KIAA0040: variants seen among roughly 807,000 people sequenced by gnomAD.
KIAA0040 encodes KIAA0040.
Under a neutral mutation model 7.2 loss-of-function variants are expected in KIAA0040, and 10 were observed. The observed-to-expected ratio is 1.38, with a 90% CI of 0.85 to 2.34. The LOEUF is 2.34. Ranked by LOEUF, KIAA0040 falls within the 30% of genes most tolerant of loss-of-function variation. KIAA0040 has a pLI of 0.00. For missense variants in KIAA0040, 89 were observed against 108.2 expected, an observed-to-expected ratio of 0.82 and a Z score of 0.79; for synonymous variants, 49 against 40.1, an observed-to-expected ratio of 1.22 and a Z score of -0.84.
chr1:175,190,303 T>C (rs891355371), intron 1 of KIAA0040, among the ~76,000 whole-genome samples: 13 of 152,310 alleles, frequency 8.5e-5, no homozygotes, highest in Admixed American at 2.0e-4. Flanking sequence ...GATATGAAAA[T>C]ATCTATAGGC....
Position 175,157,609 on chromosome 1 carries a change from A to G in KIAA0040, c.*3105T>C, listed in dbSNP as rs752221394. The G allele has an allele frequency of 2.0e-5, 3 of 152,168 alleles. No individual in the cohort carries two copies. The highest frequency in any genetic ancestry group is 6.5e-5 in the Admixed American group (1 of 15,288). 9.4% of individuals were successfully genotyped at this position (152,168 alleles called of 1,614,324 possible). ...TTGAATTTTACAGAAAAAAATACTG[A>G]CAAATACTATACAGCTTGGACCCTT... On this transcript the variant is annotated 3_prime_UTR_variant, in exon 4 of 4. Coordinates refer to ENST00000423313, the MANE Select transcript of KIAA0040 (RefSeq NM_014656.3).
At chr1:175,183,346 G>T (rs1265730472) in intron 1 of KIAA0040, among the ~76,000 whole-genome samples, 4 of 152,206 alleles carry the variant, frequency 2.6e-5, no homozygotes, top group Non-Finnish European at 5.9e-5. Flanking sequence ...GATCTGGGGA[G>T]ATGAGAAAGA....
intron 1 of KIAA0040, among the ~76,000 whole-genome samples, chr1:175,184,616 T>C (rs898732138): frequency 4.6e-5 from 7 of 152,208 alleles, no homozygotes; most frequent in Non-Finnish European, 1.0e-4. Context: ...GAAGCACACA[T>C]GTTTATGAAC....
chr1:175,171,993 A>G (rs1186871367), intron 2 of KIAA0040, among the ~76,000 whole-genome samples: 4 of 152,196 alleles, frequency 2.6e-5, no homozygotes, highest in South Asian at 2.1e-4. Context: ...AGAACAATGA[A>G]AAGAATTTTA....
At chr1:175,178,980 G>T (rs930862956) in intron 1 of KIAA0040, among the ~76,000 whole-genome samples, 4 of 143,964 alleles carry the variant, frequency 2.8e-5, no homozygotes, top group African/African-American at 7.7e-5. Context: ...CGGGGGGGGG[G>T]ATATCATGGA....
At position 175,177,671 on chromosome 1, in the gene KIAA0040, A is replaced by C. The variant is rs948589173; in HGVS notation, c.-370T>G. 1 of 152,222 alleles carries C rather than the reference A, an allele frequency of 6.6e-6. No individual in the cohort carries two copies. Among genetic ancestry groups the C allele is most frequent in the African/African-American group, 2.4e-5 (1 of 41,456 alleles). 9.4% of individuals were successfully genotyped at this position (152,222 alleles called of 1,614,324 possible). On this transcript the variant is annotated 5_prime_UTR_variant, in exon 2 of 4. Coordinates refer to ENST00000423313, the MANE Select transcript of KIAA0040 (RefSeq NM_014656.3). ...TTGAGTCTCAGTTTCTTCATCTCCAAAATGGGGAACAATCTAGAAGAATAC... is the reference window on the plus strand; with the variant it reads ...TTGAGTCTCAGTTTCTTCATCTCCACAATGGGGAACAATCTAGAAGAATAC...
At chr1:175,190,805 T>G (rs1206436955) in intron 1 of KIAA0040, among the ~76,000 whole-genome samples, 1 of 152,232 alleles carries the variant, frequency 6.6e-6, no homozygotes, top group African/African-American at 2.4e-5. Context: ...ATCCTTCCTC[T>G]GCTTAAAAAC....
intron 2 of KIAA0040, among the ~76,000 whole-genome samples, chr1:175,167,646 A>T (rs1362456218): frequency 6.6e-6 from 1 of 152,132 alleles, no homozygotes; most frequent in Non-Finnish European, 1.5e-5. Context: ...GAGAGGACAG[A>T]TGGGAGAGGG....
chr1:175,160,613 G>T lies in KIAA0040; in HGVS notation c.*101C>A. On this transcript the variant is annotated 3_prime_UTR_variant, in exon 4 of 4. Transcript: ENST00000423313. The stretch of plus-strand genomic sequence containing the variant: ...TCCTTGGTTGAGTAGTTACTCTGTG[G>T]ACATGGACATAGTGCATTATTTCAG... 1 of 1,138,720 alleles carries T rather than the reference G, an allele frequency of 8.8e-7. No homozygotes were observed. The highest frequency in any genetic ancestry group is 1.2e-6 in the Non-Finnish European group (1 of 823,086). The allele number at this position is 1,138,720 out of a possible 1,614,324, so 70.5% of individuals were successfully genotyped here. A position where few individuals can be genotyped will look rare whatever the true frequency, so the allele number is the denominator to read the frequency against.
intron 1 of KIAA0040, among the ~76,000 whole-genome samples, chr1:175,181,234 G>C (rs77077682): frequency 0.016 from 2,496 of 151,860 alleles, 28 homozygotes; most frequent in Non-Finnish European, 0.025. Context: ...GTGTATTTGT[G>C]GGGGGCGGGG....
At chr1:175,170,345 C>T (rs903155352) in intron 2 of KIAA0040, among the ~76,000 whole-genome samples, 6 of 152,048 alleles carry the variant, frequency 3.9e-5, no homozygotes, top group African/African-American at 1.4e-4. Context: ...TTTGTCCAGG[C>T]CTTCAAATGG....
At chr1:175,164,907 C>T (rs1472512794) in intron 3 of KIAA0040, among the ~76,000 whole-genome samples, 2 of 152,170 alleles carry the variant, frequency 1.3e-5, no homozygotes, top group African/African-American at 2.4e-5. Flanking sequence ...AGACACACTT[C>T]GGCCCCTGGA....
In KIAA0040 at chr1:175,160,622, A is replaced by C; in HGVS notation, c.*92T>G. ...GAGTAGTTACTCTGTGGACATGGAC[A>C]TAGTGCATTATTTCAGGGGTTCCTG... On this transcript the variant is annotated 3_prime_UTR_variant, in exon 4 of 4. Transcript: ENST00000423313. 1 of 1,180,952 alleles carries C rather than the reference A, an allele frequency of 8.5e-7. No individual in the cohort carries two copies. Among genetic ancestry groups the C allele is most frequent in the Non-Finnish European group, 1.2e-6 (1 of 858,724 alleles). The allele number at this position is 1,180,952 out of a possible 1,614,324, so 73.2% of individuals were successfully genotyped here.
chr1:175,178,551 A>G (rs1677299757), intron 1 of KIAA0040, among the ~76,000 whole-genome samples: 1 of 152,238 alleles, frequency 6.6e-6, no homozygotes, highest in Non-Finnish European at 1.5e-5. Flanking sequence ...CATGTCAAGA[A>G]GCATTAGTTA....
chr1:175,166,185 G>T (rs988546204), intron 3 of KIAA0040, among the ~76,000 whole-genome samples: 8 of 152,160 alleles, frequency 5.3e-5, no homozygotes, highest in Non-Finnish European at 1.0e-4. Context: ...TGGGAGCAAA[G>T]ACCTCCCCTT....
Position 175,159,452 on chromosome 1 carries a change from A to G in KIAA0040, c.*1262T>C, listed in dbSNP as rs922152309. 1.3e-5 allele frequency: 2 copies of G among 152,274 alleles called. No individual in the cohort carries two copies. The highest frequency in any genetic ancestry group is 4.8e-5 in the African/African-American group (2 of 41,466). The allele number at this position is 152,274 out of a possible 1,614,324, so 9.4% of individuals were successfully genotyped here. A position where few individuals can be genotyped will look rare whatever the true frequency, so the allele number is the denominator to read the frequency against. Reference sequence around the variant, plus strand: ...TACCCTTAACAACATCACATATCCAACAGTAACCACAGTTAGTTATAAGTA... The same window carrying G: ...TACCCTTAACAACATCACATATCCAGCAGTAACCACAGTTAGTTATAAGTA... On this transcript the variant is annotated 3_prime_UTR_variant, in exon 4 of 4. Coordinates refer to ENST00000423313, the MANE Select transcript of KIAA0040 (RefSeq NM_014656.3).
intron 2 of KIAA0040, among the ~76,000 whole-genome samples, chr1:175,168,105 GCA>G (rs1298486981): frequency 6.6e-6 from 1 of 152,084 alleles, no homozygotes; most frequent in East Asian, 1.9e-4. Flanking sequence ...GGCAGCGAGG[GCA>G]CAGAGTGGAA....
At chr1:175,170,863 C>T (rs978000250) in intron 2 of KIAA0040, among the ~76,000 whole-genome samples, 1 of 148,212 alleles carries the variant, frequency 6.7e-6, no homozygotes, top group African/African-American at 2.6e-5. Context: ...CATGGCTTCC[C>T]GTCACTAGAA....
At chr1:175,168,472 T>C (rs1411805822) in intron 2 of KIAA0040, among the ~76,000 whole-genome samples, 1 of 152,190 alleles carries the variant, frequency 6.6e-6, no homozygotes, top group Non-Finnish European at 1.5e-5. Flanking sequence ...GAATTGATGT[T>C]ATAATTATGG....
Sources: allele counts gnomAD v4.1 joint callset (sites outside exome capture counted in the v4.1 genomes callset), GRCh38; gene constraint gnomAD v4.1.1; transcripts MANE v1.5; gene names NCBI Gene and HGNC (gene_info 2026-07-23, HGNC 2026-07-21).